The following ROCK2 variants were observed in gnomAD, a reference collection of about 807,000 sequenced individuals.
The protein encoded by ROCK2 is rho-associated protein kinase 2.
Under a neutral mutation model 195.1 loss-of-function variants are expected in ROCK2, and 61 were observed. The ratio of observed to expected loss-of-function variants is 0.31; its 90% CI spans 0.25 to 0.39. The LOEUF (loss-of-function observed/expected upper bound fraction) is 0.39, where lower values mean the gene tolerates loss of function less well. Ranked by LOEUF, ROCK2 falls within the 10% of genes least tolerant of loss-of-function variation. The pLI, the probability that ROCK2 is intolerant of heterozygous loss-of-function variation, is 1.00. For missense variants in ROCK2, 1,109 were observed against 1,637.4 expected, an observed-to-expected ratio of 0.68 and a Z score of 5.57; for synonymous variants, 504 against 545.5, an observed-to-expected ratio of 0.92 and a Z score of 1.06.
intron 3 of ROCK2, among the ~76,000 whole-genome samples, chr2:11,270,316 GA>G (rs1424190192): frequency 1.3e-5 from 2 of 152,100 alleles, no homozygotes; most frequent in Admixed American, 1.3e-4. Context: ...TCTATAGTTT[GA>G]AAATGATATT....
chr2:11,226,912 G>GAAA (rs36080073), intron 6 of ROCK2, among the ~76,000 whole-genome samples: 192 of 100,374 alleles, frequency 1.9e-3, no homozygotes, highest in African/African-American at 2.8e-3. Context: ...CCCTGCCTCA[G>GAAA]AAAAAAAAAA....
chr2:11,330,751 GGA>G (rs1668698899), intron 1 of ROCK2, among the ~76,000 whole-genome samples: 1 of 99,972 alleles, frequency 1.0e-5, no homozygotes, highest in Non-Finnish European at 2.2e-5. Flanking sequence ...GGAGGAGGGA[GGA>G]GGAGGAGGGA....
chr2:11,307,754 C>G (rs531468877), intron 1 of ROCK2, among the ~76,000 whole-genome samples: 7 of 152,308 alleles, frequency 4.6e-5, no homozygotes, highest in Non-Finnish European at 8.8e-5. Context: ...ATTCAACAAT[C>G]AGAACTGAAA....
At chr2:11,291,013 T>G (rs1478459210) in intron 1 of ROCK2, among the ~76,000 whole-genome samples, 2 of 152,138 alleles carry the variant, frequency 1.3e-5, no homozygotes, top group Non-Finnish European at 2.9e-5. Flanking sequence ...GTTGTCTATA[T>G]GCAAAAAGCA....
intron 1 of ROCK2, among the ~76,000 whole-genome samples, chr2:11,326,746 G>C (rs1668562017): frequency 6.6e-6 from 1 of 152,134 alleles, no homozygotes; most frequent in Non-Finnish European, 1.5e-5. Context: ...ATAAGACCCA[G>C]AGCACAGTTG....
intron 5 of ROCK2, 71 bp from the exon 6 acceptor site, chr2:11,227,469 C>A: frequency 4.4e-6 from 6 of 1,377,866 alleles, no homozygotes; most frequent in Non-Finnish European, 5.0e-6. Context: ...GCAATGAATC[C>A]ATTTATTACT....
intron 1 of ROCK2, among the ~76,000 whole-genome samples, chr2:11,337,219 TG>T (rs1300686797): frequency 6.7e-6 from 1 of 148,880 alleles, no homozygotes; most frequent in Non-Finnish European, 1.5e-5. Flanking sequence ...CACTCCAGCC[TG>T]GGCAACTCAG....
At chr2:11,286,427 G>A (rs1194598143) in intron 3 of ROCK2, 112 bp downstream of exon 3, 3 of 688,368 alleles carry the variant, frequency 4.4e-6, no homozygotes, top group Non-Finnish European at 7.6e-6. Context: ...AGATCACAAA[G>A]CCACCTTCTG....
At chr2:11,323,540 C>T (rs1255347134) in intron 1 of ROCK2, among the ~76,000 whole-genome samples, 1 of 152,108 alleles carries the variant, frequency 6.6e-6, no homozygotes, top group East Asian at 1.9e-4. Flanking sequence ...TAAGAGGTTT[C>T]TCATTATGTT....
intron 1 of ROCK2, among the ~76,000 whole-genome samples, chr2:11,305,839 T>A (rs1427959904): frequency 2.0e-5 from 3 of 152,170 alleles, no homozygotes; most frequent in African/African-American, 7.2e-5. Flanking sequence ...CTGTACTATT[T>A]TTGCAAAGTT....
chr2:11,286,734 C>G, intron 2 of ROCK2, 95 bp from the exon 3 acceptor site: 1 of 740,010 alleles, frequency 1.4e-6, no homozygotes, highest in Non-Finnish European at 2.1e-6. Context: ...CAAGAAAAGA[C>G]AGTTTTTAGC....
At chr2:11,270,914 T>C (rs1395741589) in intron 3 of ROCK2, among the ~76,000 whole-genome samples, 2 of 152,230 alleles carry the variant, frequency 1.3e-5, no homozygotes, top group Admixed American at 6.5e-5. Context: ...TAGCGGGACA[T>C]GATGCATTGA....
intron 3 of ROCK2, among the ~76,000 whole-genome samples, chr2:11,250,616 G>A (rs755073326): frequency 1.3e-5 from 2 of 152,048 alleles, no homozygotes; most frequent in Admixed American, 6.6e-5. Context: ...GTTATTCCCC[G>A]TTTCAGTAAA....
chr2:11,195,250 T>C (rs1317250749), intron 27 of ROCK2: 5 of 280,678 alleles, frequency 1.8e-5, no homozygotes, highest in Admixed American at 5.1e-5. Context: ...AGATAGTCTA[T>C]ACTTTTATAA....
chr2:11,207,751 C>G lies in ROCK2; in HGVS notation c.2524G>C (p.Glu842Gln), dbSNP rs769946012. ...TTTCGAAGTTCAGCATTTTGTTTTT[C>G]CAAGTTCATTTTCATTTCCATGAGA... The part of the protein sequence containing the change: ...NHLMEMKMNL[E>Q]KQNAELRKER... Residue 842 changes from glutamate (E) to glutamine (Q), a missense_variant, in exon 20 of 33, where the codon GAA becomes CAA. Physicochemically the swap from Glu to Gln is conservative, Grantham distance 29. Transcript: ENST00000315872. 1.9e-6 allele frequency: 3 copies of G among 1,602,018 alleles called. No individual in the cohort carries two copies. The highest frequency in any genetic ancestry group is 2.2e-5 in the South Asian group (2 of 89,040).
chr2:11,219,336 C>CAAAAAAAAAA lies in ROCK2; in HGVS notation c.1260-320_1260-311dup, dbSNP rs35159426. 7.6e-4 allele frequency among the ~76,000 whole-genome samples: 51 copies of CAAAAAAAAAA among 67,374 alleles called. 3 individuals are homozygous for CAAAAAAAAAA. Among genetic ancestry groups the CAAAAAAAAAA allele is most frequent in the African/African-American group, 3.2e-3 (46 of 14,590 alleles). 44.2% of individuals were successfully genotyped at this position (67,374 alleles called of 152,430 possible). A position where few individuals can be genotyped will look rare whatever the true frequency, so the allele number is the denominator to read the frequency against. ...TCAACATGGTGAAACCTTATCTCTACAAAAAAAAAAAAAAAAAAAAAAAAA... is the reference window on the plus strand; with the variant it reads ...TCAACATGGTGAAACCTTATCTCTACAAAAAAAAAAAAAAAAAAAAAAAAAAAAAAAAAAA... On this transcript the variant is annotated intron_variant, in intron 9 of 32. Coordinates refer to ENST00000315872, the MANE Select transcript of ROCK2 (RefSeq NM_004850.5).
intron 1 of ROCK2, among the ~76,000 whole-genome samples, chr2:11,317,077 C>G (rs1193857558): frequency 6.6e-6 from 1 of 151,944 alleles, no homozygotes; most frequent in African/African-American, 2.4e-5. Context: ...ATCATGAGTC[C>G]AGAGTTTATG....
At chr2:11,189,986 C>A (rs1227579052) in intron 32 of ROCK2, among the ~76,000 whole-genome samples, 4 of 151,898 alleles carry the variant, frequency 2.6e-5, no homozygotes, top group South Asian at 2.1e-4. Flanking sequence ...CAGAGTGAGA[C>A]CCTGTCTCAA....
intron 18 of ROCK2, 56 bp from the exon 19 acceptor site, chr2:11,208,503 T>C (rs1664135819): frequency 2.8e-6 from 3 of 1,088,498 alleles, no homozygotes; most frequent in African/African-American, 1.6e-5. Flanking sequence ...AAGCATATCA[T>C]AAATTTGTAA....
Sources: allele counts gnomAD v4.1 joint callset (sites outside exome capture counted in the v4.1 genomes callset), GRCh38; gene constraint gnomAD v4.1.1; transcripts MANE v1.5; gene names NCBI Gene and HGNC (gene_info 2026-07-23, HGNC 2026-07-21).